The following ATR variants were observed in gnomAD, a reference collection of about 807,000 sequenced individuals.
ATR encodes serine/threonine-protein kinase ATR.
Under a neutral mutation model 305.3 loss-of-function variants are expected in ATR, and 142 were observed. The observed-to-expected ratio is 0.47, with a 90% CI of 0.41 to 0.53. The LOEUF is 0.53. Among genes scored for constraint, ATR ranks in the 20% least tolerant of loss-of-function variants. The pLI, the probability that ATR is intolerant of heterozygous loss-of-function variation, is 0.00. For missense variants in ATR, 2,135 were observed against 3,133.1 expected (o/e 0.68, Z 7.60); for synonymous variants, 1,050 against 1,068.1 (o/e 0.98, Z 0.33).
In ATR at chr3:142,450,684, G is replaced by C. The variant is rs536278541; in HGVS notation, c.7762-1082C>G. ...AGTATTATGCAATTTAAAAAATCCT[G>C]ATTAAGGGTGCAACAAAAACACATT... On this transcript the variant is annotated intron_variant, in intron 46 of 46. Transcript: ENST00000350721. 110 of 1,596,454 alleles carry C rather than the reference G, an allele frequency of 6.9e-5. No individual in the cohort carries two copies. In the South Asian group the frequency reaches 1.1e-3, roughly 16 times the overall value.
chr3:142,578,689 G>A lies in ATR; in HGVS notation c.16C>T (p.Leu6=), dbSNP rs201753798. 58 of 1,613,328 alleles carry A rather than the reference G, an allele frequency of 3.6e-5. No individual in the cohort carries two copies. In the African/African-American group the frequency reaches 6.5e-4, roughly 18 times the overall value. Residue 6 remains leucine (L), a synonymous_variant, in exon 1 of 47, where the codon CTG becomes TTG. Coordinates refer to ENST00000350721, the MANE Select transcript of ATR (RefSeq NM_001184.4). MGEHG[L]ELASMIPALR... ...GCGGGGATCATGGAAGCCAGCTCCA[G>A]GCCATGTTCCCCCATGCTGAGGCTG... is the stretch of plus-strand genomic sequence containing the variant.
intron 36 of ATR, among the ~76,000 whole-genome samples, chr3:142,472,489 T>C (rs773861388): frequency 5.2e-4 from 79 of 152,336 alleles, no homozygotes; most frequent in Admixed American, 7.8e-4. Context: ...CATCTCATTG[T>C]GGTTTTAATT....
chr3:142,507,659 T>G (rs1272771146), intron 28 of ATR, among the ~76,000 whole-genome samples: 1 of 152,204 alleles, frequency 6.6e-6, no homozygotes, highest in Non-Finnish European at 1.5e-5. Flanking sequence ...GCTCATTTTT[T>G]AAGACACCAT....
intron 1 of ATR, 118 bp from the exon 2 acceptor site, chr3:142,568,272 ATTC>A (rs1253750704): frequency 4.0e-6 from 3 of 744,474 alleles, no homozygotes; most frequent in Non-Finnish European, 6.8e-6. Context: ...TATTCACAGT[ATTC>A]TTCTGTTTAA....
At chr3:142,485,622 ATG>A (rs532338514) in intron 35 of ATR, among the ~76,000 whole-genome samples, 1 of 146,646 alleles carries the variant, frequency 6.8e-6, no homozygotes, top group African/African-American at 2.5e-5. Context: ...TATATATGAT[ATG>A]TGTGTGTGTG....
intron 21 of ATR, among the ~76,000 whole-genome samples, chr3:142,525,169 T>TA (rs2033319587): frequency 2.0e-5 from 3 of 152,278 alleles, no homozygotes; most frequent in African/African-American, 7.2e-5. Flanking sequence ...AAAACTCAGA[T>TA]AAGAAGTGTC....
Position 142,562,769 on chromosome 3 carries a change from C to T in ATR, c.633G>A (p.Met211Ile), listed in dbSNP as rs944345426. 11 of 1,610,226 alleles carry T rather than the reference C, an allele frequency of 6.8e-6. No individual in the cohort carries two copies. In the Admixed American group the frequency reaches 8.5e-5, roughly 12 times the overall value. The stretch of plus-strand genomic sequence containing the variant: ...CAATTGCAATAATACGAGTAAGAAC[C>T]ATTAATAAAGTGACTTCAATAAATT... ...NLEFIEVTLLMVLTRIIAIVF... is the reference protein window; with the variant it reads ...NLEFIEVTLLIVLTRIIAIVF... The change falls in exon 4 of 47, where the codon ATG (methionine) becomes ATA (isoleucine). Residue 211 changes from methionine to isoleucine, a missense_variant. Transcript: ENST00000350721.
At position 142,499,738 on chromosome 3, in the gene ATR, T is replaced by C. The variant is rs1241065628; in HGVS notation, c.5289-20A>G. The C allele has an allele frequency of 6.2e-7, 1 of 1,600,280 alleles. No homozygotes were observed. Among genetic ancestry groups the C allele is most frequent in the Non-Finnish European group, 8.6e-7 (1 of 1,167,458 alleles). On this transcript the variant is annotated intron_variant, in intron 30 of 46. Coordinates refer to ENST00000350721, the MANE Select transcript of ATR (RefSeq NM_001184.4). ...TCGGACCTATTAAAAGAAACCCATA[T>C]CAACTAAACTTTAATTTATTTAAGG...
chr3:142,564,731 A>G (rs1577707092), intron 3 of ATR, among the ~76,000 whole-genome samples: 1 of 152,124 alleles, frequency 6.6e-6, no homozygotes, highest in East Asian at 1.9e-4. Flanking sequence ...TACTCTTATT[A>G]CATACAATGT....
At chr3:142,574,757 A>T (rs1351768376) in intron 1 of ATR, among the ~76,000 whole-genome samples, 1 of 152,158 alleles carries the variant, frequency 6.6e-6, no homozygotes, top group Non-Finnish European at 1.5e-5. Flanking sequence ...ACAAAGGGAC[A>T]CTCAGCCCTG....
At chr3:142,551,073 C>A (rs191478054) in intron 13 of ATR, among the ~76,000 whole-genome samples, 1 of 152,298 alleles carries the variant, frequency 6.6e-6, no homozygotes, top group Admixed American at 6.5e-5. Flanking sequence ...AGGTGTGAGT[C>A]ACCACGCCCA....
rs7620547 is a variant in ATR at position 142,496,298 on chromosome 3, A to G, written c.5898+63T>C. Reference sequence around the variant, plus strand: ...CCCGACTATATATATATATATATATATATATATATATATATATATATATAT... The same window carrying G: ...CCCGACTATATATATATATATATATGTATATATATATATATATATATATAT... On this transcript the variant is annotated intron_variant, in intron 34 of 46. Coordinates refer to ENST00000350721, the MANE Select transcript of ATR (RefSeq NM_001184.4). The G allele has an allele frequency of 3.0e-5, 4 of 132,072 alleles. 1 individual carries two copies. Among genetic ancestry groups the G allele is most frequent in the African/African-American group, 1.8e-4 (3 of 16,468 alleles). 8.2% of individuals were successfully genotyped at this position (132,072 alleles called of 1,614,324 possible). A position where few individuals can be genotyped will look rare whatever the true frequency, so the allele number is the denominator to read the frequency against.
At chr3:142,473,766 G>T (rs888832778) in intron 36 of ATR, among the ~76,000 whole-genome samples, 4 of 151,656 alleles carry the variant, frequency 2.6e-5, no homozygotes, top group African/African-American at 9.7e-5. Context: ...GGCTGATCTT[G>T]AACTCCTGAG....
At chr3:142,546,430 G>A (rs2034271624) in intron 16 of ATR, among the ~76,000 whole-genome samples, 1 of 152,176 alleles carries the variant, frequency 6.6e-6, no homozygotes, top group Non-Finnish European at 1.5e-5. Context: ...AAATGTTTGT[G>A]TGTATGCCAT....
intron 23 of ATR, among the ~76,000 whole-genome samples, chr3:142,522,315 T>A (rs1401991685): frequency 6.6e-6 from 1 of 152,240 alleles, no homozygotes; most frequent in African/African-American, 2.4e-5. Flanking sequence ...AGAATTCATG[T>A]AACTTGCTTT....
chr3:142,538,855 A>T (rs954393548), intron 18 of ATR, among the ~76,000 whole-genome samples: 6 of 152,182 alleles, frequency 3.9e-5, no homozygotes, highest in African/African-American at 7.2e-5. Flanking sequence ...TTAATAATAA[A>T]AAAAAAGTAT....
At chr3:142,536,601 C>T (rs373872776) in intron 19 of ATR, among the ~76,000 whole-genome samples, 15 of 152,150 alleles carry the variant, frequency 9.9e-5, no homozygotes, top group East Asian at 1.9e-4. Flanking sequence ...TGAGTCACTA[C>T]GTAAGAAGTG....
chr3:142,548,594 A>G (rs1052539736), intron 15 of ATR, among the ~76,000 whole-genome samples: 4 of 151,096 alleles, frequency 2.6e-5, no homozygotes, highest in African/African-American at 9.7e-5. Context: ...GCTTGAACCC[A>G]GGAGGTGGAG....
At chr3:142,498,516 A>T in intron 32 of ATR, 81 bp downstream of exon 32, 2 of 1,367,472 alleles carry the variant, frequency 1.5e-6, no homozygotes, top group Non-Finnish European at 2.0e-6. Context: ...CTCACTATCA[A>T]TTATTTACTC....
Sources: allele counts gnomAD v4.1 joint callset (sites outside exome capture counted in the v4.1 genomes callset), GRCh38; gene constraint gnomAD v4.1.1; transcripts MANE v1.5; gene names NCBI Gene and HGNC (gene_info 2026-07-23, HGNC 2026-07-21).